UGGT2: variants seen among roughly 807,000 people sequenced by gnomAD.
The protein encoded by UGGT2 is UDP-glucose glycoprotein glucosyltransferase 2.
UGGT2 carries 180 observed loss-of-function variants against 192.1 expected under a neutral mutation model. That is an observed-to-expected ratio of 0.94 (90% CI 0.83 to 1.06). The LOEUF (loss-of-function observed/expected upper bound fraction) is 1.06, where lower values mean the gene tolerates loss of function less well. Ranked by LOEUF, UGGT2 falls within the 50% of genes least tolerant of loss-of-function variation. The pLI is 0.00. For synonymous variants in UGGT2, 580 were observed against 591.0 expected (o/e 0.98, Z 0.27); for missense variants, 1,849 against 1,795.7 (o/e 1.03, Z -0.54).
chr13:95,946,544 T>G (rs2049877039), intron 15 of UGGT2, among the ~76,000 whole-genome samples: 2 of 152,248 alleles, frequency 1.3e-5, no homozygotes, highest in South Asian at 4.1e-4. Flanking sequence ...TTTTTTATTT[T>G]TTTTTTGGTA....
At chr13:95,920,499 A>C (rs2048811486) in intron 20 of UGGT2, among the ~76,000 whole-genome samples, 1 of 152,186 alleles carries the variant, frequency 6.6e-6, no homozygotes, top group Non-Finnish European at 1.5e-5. Flanking sequence ...TTAAATTTAC[A>C]AGAAAAAAAC....
In UGGT2 at chr13:95,833,094, C is replaced by T. The variant is rs1294705999; in HGVS notation, c.4402-41G>A. ...AATTTTGTTAATGAAAGACCATGCT[C>T]CTGGAAACATAAGGACAATGCTGTG... On this transcript the variant is annotated intron_variant, in intron 37 of 38. Transcript: ENST00000376747. 2.5e-6 allele frequency: 4 copies of T among 1,599,276 alleles called. No homozygotes were observed. The African/African-American group carries it at 5.4e-5, about 22-fold the overall frequency.
intron 12 of UGGT2, among the ~76,000 whole-genome samples, chr13:95,966,431 T>C (rs1594459753): frequency 6.6e-6 from 1 of 152,134 alleles, no homozygotes; most frequent in Admixed American, 6.5e-5. Flanking sequence ...GGTTAGTCAA[T>C]AGGTACAAAC....
intron 20 of UGGT2, among the ~76,000 whole-genome samples, chr13:95,916,506 C>T (rs2048685752): frequency 6.6e-6 from 1 of 152,176 alleles, no homozygotes; most frequent in Non-Finnish European, 1.5e-5. Context: ...CTCCAAATGA[C>T]TGCAACACCT....
Position 95,949,427 on chromosome 13 carries a change from A to G in UGGT2, c.1363T>C (p.Leu455=). 2 of 1,550,850 alleles carry G rather than the reference A, an allele frequency of 1.3e-6. No individual in the cohort carries two copies. The highest frequency in any genetic ancestry group is 1.4e-5 in the African/African-American group (1 of 73,482). The change falls in exon 13 of 39, where the codon TTG becomes CTG. Residue 455 remains leucine (L), a synonymous_variant. Transcript: ENST00000376747. The part of the protein sequence containing the change: ...MWINDLENDD[L]YITWPTSCQK... ...CAACTTGTAGGCCATGTAATATACA[A>G]ATCATCATTTTCTAAGTCATTAATC... is the stretch of plus-strand genomic sequence containing the variant.
chr13:95,936,806 A>G, intron 17 of UGGT2, 118 bp downstream of exon 17: 1 of 1,013,018 alleles, frequency 9.9e-7, no homozygotes, highest in Non-Finnish European at 1.4e-6. Context: ...AAAAATCACT[A>G]TGAAATGATC....
intron 9 of UGGT2, among the ~76,000 whole-genome samples, chr13:95,985,593 T>C (rs903282772): frequency 3.9e-5 from 6 of 152,206 alleles, no homozygotes; most frequent in African/African-American, 1.4e-4. Flanking sequence ...ACACCATTGT[T>C]GCCCATGCAC....
Position 95,892,758 on chromosome 13 carries a change from T to G in UGGT2, c.2856-1794A>C, listed in dbSNP as rs2047837419. ...CTGTCTTCCCTCTTCTAAGAATAAT[T>G]ACACTTCATCTGAACATCTAGTTTG... On this transcript the variant is annotated intron_variant, in intron 24 of 38. Coordinates refer to ENST00000376747, the MANE Select transcript of UGGT2 (RefSeq NM_020121.4). 2.0e-5 allele frequency among the ~76,000 whole-genome samples: 3 copies of G among 152,186 alleles called. No individual in the cohort carries two copies. In the South Asian group the frequency reaches 6.2e-4, roughly 32 times the overall value.
At chr13:95,937,172 T>C in intron 16 of UGGT2, 84 bp from the exon 17 acceptor site, 1 of 1,405,200 alleles carries the variant, frequency 7.1e-7, no homozygotes, top group Non-Finnish European at 9.6e-7. Flanking sequence ...ACCGCCACAT[T>C]TTTATATGCC....
chr13:95,823,439 A>C (rs1594077207), intron 38 of UGGT2, among the ~76,000 whole-genome samples: 1 of 152,092 alleles, frequency 6.6e-6, no homozygotes, highest in Non-Finnish European at 1.5e-5. Context: ...TAAATATGAG[A>C]GCTCCAGTGT....
chr13:95,837,140 C>CCA lies in UGGT2; in HGVS notation c.4345_4346dup (p.Trp1449CysfsTer31). 6.2e-7 allele frequency: 1 copy of CCA among 1,614,028 alleles called. No individual in the cohort carries two copies. The highest frequency in any genetic ancestry group is 8.5e-7 in the Non-Finnish European group (1 of 1,179,962). ...ATTCATCATCACACCAGGTTTCACA[C>CCA]CACAGCCAGTCTTGAGGAAGAGACT... On this transcript the variant is annotated frameshift_variant, in exon 37 of 39. Transcript: ENST00000376747. LOFTEE classifies it high-confidence loss of function.
intron 21 of UGGT2, among the ~76,000 whole-genome samples, chr13:95,902,553 T>A (rs1401122832): frequency 6.6e-6 from 1 of 151,290 alleles, no homozygotes; most frequent in Non-Finnish European, 1.5e-5. Context: ...TTCAGTGAAA[T>A]ACCTGAGATT....
intron 5 of UGGT2, among the ~76,000 whole-genome samples, chr13:96,012,676 T>C (rs1319644155): frequency 2.0e-5 from 3 of 151,968 alleles, no homozygotes; most frequent in Non-Finnish European, 1.5e-5. Context: ...ATTAAAGCAC[T>C]CCATGTTGGG....
chr13:96,001,362 C>G (rs1424301331), intron 5 of UGGT2, among the ~76,000 whole-genome samples: 2 of 152,112 alleles, frequency 1.3e-5, no homozygotes, highest in Non-Finnish European at 2.9e-5. Flanking sequence ...CCACTCCTGC[C>G]CTCCAGAGAA....
chr13:95,837,383 T>C (rs1403534879), intron 36 of UGGT2, among the ~76,000 whole-genome samples, 181 bp from the exon 37 acceptor site: 1 of 152,206 alleles, frequency 6.6e-6, no homozygotes, highest in Non-Finnish European at 1.5e-5. Context: ...GTGTCATGAA[T>C]GAATCCATGC....
chr13:95,865,243 T>A (rs1046122979), intron 30 of UGGT2, among the ~76,000 whole-genome samples: 6 of 152,234 alleles, frequency 3.9e-5, no homozygotes. Flanking sequence ...TTGGATTTCA[T>A]GGGCTGATCC....
At chr13:95,865,290 A>G (rs542758228) in intron 30 of UGGT2, among the ~76,000 whole-genome samples, 1 of 152,108 alleles carries the variant, frequency 6.6e-6, no homozygotes, top group South Asian at 2.1e-4. Context: ...CTGTTTTTCT[A>G]TCTTTTTACT....
chr13:95,801,927 A>G (rs1474947408), intron 38 of UGGT2, 115 bp from the exon 39 acceptor site: 1 of 1,169,388 alleles, frequency 8.6e-7, no homozygotes, highest in African/African-American at 1.5e-5. Context: ...TTTATTTGCT[A>G]GTTCAGTACC....
At chr13:95,884,300 A>G (rs2047581917) in intron 27 of UGGT2, among the ~76,000 whole-genome samples, 191 bp downstream of exon 27, 1 of 152,174 alleles carries the variant, frequency 6.6e-6, no homozygotes, top group African/African-American at 2.4e-5. Context: ...AACTTGGAAG[A>G]CTAGAGAAGC....
Sources: allele counts gnomAD v4.1 joint callset (sites outside exome capture counted in the v4.1 genomes callset), GRCh38; gene constraint gnomAD v4.1.1; transcripts MANE v1.5; gene names NCBI Gene and HGNC (gene_info 2026-07-23, HGNC 2026-07-21).